Variants in ABCB5 observed in about 807,000 individuals in gnomAD.
ABCB5 encodes the protein ATP binding cassette subfamily B member 5, also known as ATP-binding cassette sub-family B member 5.
ABCB5 carries 155 observed loss-of-function variants against 144.2 expected under a neutral mutation model. The ratio of observed to expected loss-of-function variants is 1.08; its 90% CI spans 0.94 to 1.23. The LOEUF (loss-of-function observed/expected upper bound fraction) is 1.23, where lower values mean the gene tolerates loss of function less well. Among genes scored for constraint, ABCB5 ranks in the 50% most tolerant of loss-of-function variants. ABCB5 has a pLI of 0.00. For missense variants in ABCB5, 1,830 were observed against 1,520.8 expected (o/e 1.20, Z -3.38); for synonymous variants, 610 against 528.6 (o/e 1.15, Z -2.11).
At chr7:20,629,685 C>T (rs1783990196) in intron 4 of ABCB5, among the ~76,000 whole-genome samples, 1 of 151,976 alleles carries the variant, frequency 6.6e-6, no homozygotes, top group African/African-American at 2.4e-5. Flanking sequence ...TTGTTTGAAC[C>T]CAGGAGGCAG....
At chr7:20,716,441 G>A (rs914751958) in intron 20 of ABCB5, among the ~76,000 whole-genome samples, 11 of 152,066 alleles carry the variant, frequency 7.2e-5, no homozygotes, top group African/African-American at 2.4e-4. Context: ...TAAATTTTAT[G>A]TAGCTATAGG....
chr7:20,616,281 C>A (rs934194453), intron 1 of ABCB5, among the ~76,000 whole-genome samples: 2 of 152,200 alleles, frequency 1.3e-5, no homozygotes, highest in Non-Finnish European at 2.9e-5. Context: ...GATGATCCAG[C>A]CGCCTTGGCC....
intron 25 of ABCB5, among the ~76,000 whole-genome samples, chr7:20,744,215 G>A (rs918860759): frequency 8.6e-5 from 13 of 152,034 alleles, no homozygotes; most frequent in African/African-American, 3.1e-4. Flanking sequence ...TTACAGGGGT[G>A]TGCCACCATG....
intron 9 of ABCB5, among the ~76,000 whole-genome samples, chr7:20,646,505 GC>G (rs1784414482): frequency 6.6e-6 from 1 of 152,122 alleles, no homozygotes; most frequent in Non-Finnish European, 1.5e-5. Flanking sequence ...CATTCACCTT[GC>G]TAAATGTCTT....
chr7:20,745,186 C>A, intron 25 of ABCB5, 46 bp from the exon 26 acceptor site: 1 of 1,550,936 alleles, frequency 6.4e-7, no homozygotes, highest in Non-Finnish European at 8.9e-7. Flanking sequence ...TAACATGATA[C>A]AGTTGTGTGA....
rs1785825677 is a variant in ABCB5, at chr7:20,681,490, C to T, written c.1708-15C>T. On this transcript the variant is annotated splice_polypyrimidine_tract_variant and intron_variant, in intron 14 of 27. Coordinates refer to ENST00000404938, the MANE Select transcript of ABCB5 (RefSeq NM_001163941.2). ...TACTAATGTCTATTTATTTTCTATG[C>T]ATTTTATTCTGTAGGCGAGCAAAGG... The T allele has an allele frequency of 6.2e-7, 1 of 1,612,900 alleles. No homozygotes were observed. The highest frequency in any genetic ancestry group is 1.7e-5 in the Admixed American group (1 of 59,898).
intron 14 of ABCB5, among the ~76,000 whole-genome samples, chr7:20,669,125 GC>G (rs1325492034): frequency 2.7e-5 from 4 of 150,926 alleles, no homozygotes; most frequent in African/African-American, 9.8e-5. Context: ...CCCCCACCCG[GC>G]CAGCTGCCCC....
At chr7:20,634,461 G>C (rs1225622638) in intron 5 of ABCB5, among the ~76,000 whole-genome samples, 2 of 151,938 alleles carry the variant, frequency 1.3e-5, no homozygotes. Context: ...TTAGTTCTTT[G>C]AGAAATCTCT....
At position 20,643,524 on chromosome 7, in the gene ABCB5, T is replaced by A; in HGVS notation, c.570T>A (p.Ser190=). ...TTGCTCTGTTGTTTCAAAACATGTC[T>A]ACTTTTTCGATTGGCCTGGCAGTTG... ...DKIALLFQNM[S]TFSIGLAVGL... is the part of the protein sequence containing the mutation. Residue 190 remains serine, a synonymous_variant, in exon 7 of 28, where the codon TCT becomes TCA. Transcript: ENST00000404938. The A allele has an allele frequency of 6.2e-7, 1 of 1,614,064 alleles. No homozygotes were observed. The highest frequency in any genetic ancestry group is 8.5e-7 in the Non-Finnish European group (1 of 1,179,902).
intron 22 of ABCB5, among the ~76,000 whole-genome samples, chr7:20,727,540 G>T (rs1782074892): frequency 6.6e-6 from 1 of 152,172 alleles, no homozygotes; most frequent in South Asian, 2.1e-4. Context: ...TTAGAGACCA[G>T]CCTGGACAAC....
chr7:20,657,598 C>T (rs1274084528), intron 13 of ABCB5, among the ~76,000 whole-genome samples: 3 of 152,076 alleles, frequency 2.0e-5, no homozygotes, highest in Admixed American at 6.6e-5. Context: ...ATCAAATCAG[C>T]GGTATCTGCA....
At chr7:20,722,873 C>G (rs1160709138) in intron 20 of ABCB5, 143 bp from the exon 21 acceptor site, 20 of 607,950 alleles carry the variant, frequency 3.3e-5, no homozygotes, top group Non-Finnish European at 3.9e-5. Context: ...CTTATTTAAT[C>G]TCAAAGTATA....
chr7:20,741,457 A>AC (rs1263808473), intron 24 of ABCB5, among the ~76,000 whole-genome samples: 1 of 152,062 alleles, frequency 6.6e-6, no homozygotes, highest in Non-Finnish European at 1.5e-5. Context: ...ACAAAAAGAA[A>AC]TTTTTTATAC....
chr7:20,632,406 C>T (rs1366236165), intron 5 of ABCB5, among the ~76,000 whole-genome samples: 1 of 152,028 alleles, frequency 6.6e-6, no homozygotes, highest in Non-Finnish European at 1.5e-5. Context: ...TAGTAATATC[C>T]TGGGAAAGAA....
intron 13 of ABCB5, among the ~76,000 whole-genome samples, chr7:20,654,866 G>A (rs6958493): frequency 0.19 from 29,004 of 151,584 alleles, 2,944 homozygotes; most frequent in African/African-American, 0.25. Context: ...GCTTATTTTC[G>A]GAAAAGAAAA....
chr7:20,734,937 C>T (rs922713925), intron 23 of ABCB5, among the ~76,000 whole-genome samples: 1 of 152,128 alleles, frequency 6.6e-6, no homozygotes, highest in Non-Finnish European at 1.5e-5. Context: ...TTTATTTTAT[C>T]CTATCTCTTT....
chr7:20,650,015 C>T lies in ABCB5; in HGVS notation c.1207-7C>T. ...TTTTATGATTTTCCCTCCATACATT[C>T]CAATAGATTCTGAAAGGTCTGAATC... On this transcript the variant is annotated splice_polypyrimidine_tract_variant and splice_region_variant and intron_variant, in intron 11 of 27. Coordinates refer to ENST00000404938, the MANE Select transcript of ABCB5 (RefSeq NM_001163941.2). The T allele has an allele frequency of 1.9e-6, 3 of 1,608,796 alleles. No homozygotes were observed. The highest frequency in any genetic ancestry group is 2.5e-6 in the Non-Finnish European group (3 of 1,177,176).
chr7:20,742,783 T>C (rs373695052), intron 24 of ABCB5, 94 bp from the exon 25 acceptor site: 2 of 1,243,614 alleles, frequency 1.6e-6, no homozygotes, highest in African/African-American at 1.5e-5. Flanking sequence ...TCTGGAAACA[T>C]GCACAATTTT....
In ABCB5 at chr7:20,708,164, AC is replaced by A. The variant is rs1378341127; in HGVS notation, c.2421+3358del. Among the ~76,000 whole-genome samples the A allele has an allele frequency of 8.5e-5, 13 of 152,276 alleles. No homozygotes were observed. The East Asian group carries it at 2.5e-3, about 29-fold the overall frequency. On this transcript the variant is annotated intron_variant, in intron 20 of 27. Transcript: ENST00000404938. Reference sequence around the variant, plus strand: ...GAAGTGTGTAAAACAACTTGACATTACTTTTGATTCAAACAATGTTGCCATG... The same window carrying A: ...GAAGTGTGTAAAACAACTTGACATTATTTTGATTCAAACAATGTTGCCATG...
Sources: allele counts gnomAD v4.1 joint callset (sites outside exome capture counted in the v4.1 genomes callset), GRCh38; gene constraint gnomAD v4.1.1; transcripts MANE v1.5; gene names NCBI Gene and HGNC (gene_info 2026-07-23, HGNC 2026-07-21).